The following SOX6 variants were observed in gnomAD, a reference collection of about 807,000 sequenced individuals.
SOX6 encodes SRY-box transcription factor 6, also known as transcription factor SOX-6.
A neutral mutation model predicts 97.8 loss-of-function variants in SOX6; 11 were observed. The observed-to-expected ratio is 0.11, with a 90% CI of 0.07 to 0.19. SOX6 has a LOEUF of 0.19. Among genes scored for constraint, SOX6 ranks in the 10% least tolerant of loss-of-function variants. The pLI, the probability that SOX6 is intolerant of heterozygous loss-of-function variation, is 1.00. For synonymous variants in SOX6, 360 were observed against 371.4 expected, an observed-to-expected ratio of 0.97 and a Z score of 0.35; for missense variants, 810 against 1,039.5, an observed-to-expected ratio of 0.78 and a Z score of 3.04.
chr11:16,387,077 G>A (rs148925586), intron 1 of SOX6, among the ~76,000 whole-genome samples: 186 of 152,250 alleles, frequency 1.2e-3, no homozygotes, highest in African/African-American at 4.2e-3. Context: ...ACACATGTGG[G>A]TTAATGTCCT....
chr11:16,363,566 A>G (rs187529639), intron 1 of SOX6, among the ~76,000 whole-genome samples: 166 of 152,282 alleles, frequency 1.1e-3, no homozygotes, highest in Non-Finnish European at 1.5e-3. Flanking sequence ...TCACAATGGT[A>G]GGTGGTAGGG....
intron 12 of SOX6, among the ~76,000 whole-genome samples, chr11:16,041,298 C>T (rs1388133311): frequency 2.0e-5 from 3 of 152,022 alleles, no homozygotes; most frequent in South Asian, 2.1e-4. Context: ...TCCTGTCATG[C>T]AATAATGAAT....
intron 6 of SOX6, among the ~76,000 whole-genome samples, chr11:16,164,624 C>G (rs1009439427): frequency 1.3e-5 from 2 of 151,960 alleles, no homozygotes; most frequent in African/African-American, 2.4e-5. Context: ...GGGTTGAGAC[C>G]AGCCTGGCCA....
At chr11:16,080,869 C>T (rs1848458235) in intron 9 of SOX6, among the ~76,000 whole-genome samples, 1 of 152,056 alleles carries the variant, frequency 6.6e-6, no homozygotes, top group Non-Finnish European at 1.5e-5. Context: ...CCTTTGTTAA[C>T]TAAAAGTTTA....
At chr11:16,106,281 A>G (rs117555742) in intron 7 of SOX6, among the ~76,000 whole-genome samples, 19,666 of 152,050 alleles carry the variant, frequency 0.13, 1,738 homozygotes, top group Non-Finnish European at 0.19. Flanking sequence ...TGGAAAGCTC[A>G]TAGTTCAAAT....
At chr11:16,244,520 A>G (rs1853279902) in intron 3 of SOX6, among the ~76,000 whole-genome samples, 1 of 151,762 alleles carries the variant, frequency 6.6e-6, no homozygotes, top group African/African-American at 2.4e-5. Flanking sequence ...TCAATATCAC[A>G]AAGATTTTTT....
intron 9 of SOX6, among the ~76,000 whole-genome samples, chr11:16,069,527 T>C (rs1564936826): frequency 6.6e-6 from 1 of 152,178 alleles, no homozygotes; most frequent in African/African-American, 2.4e-5. Flanking sequence ...TTGGGCACCG[T>C]AGGATAATTT....
At chr11:16,095,937 G>C (rs2133973747) in intron 9 of SOX6, 59 bp downstream of exon 9, 5 of 1,360,370 alleles carry the variant, frequency 3.7e-6, no homozygotes, top group Middle Eastern at 1.9e-4. Context: ...AAAAAGCCTA[G>C]AGTATGACTG....
chr11:16,267,808 A>G (rs115830161), intron 3 of SOX6, among the ~76,000 whole-genome samples: 2,142 of 151,676 alleles, frequency 0.014, 53 homozygotes, highest in African/African-American at 0.048. Flanking sequence ...GTGTCCATCA[A>G]TGGATGAATG....
chr11:16,052,627 C>A (rs1278067703), intron 10 of SOX6, among the ~76,000 whole-genome samples: 1 of 152,100 alleles, frequency 6.6e-6, no homozygotes, highest in Non-Finnish European at 1.5e-5. Context: ...TGCTGCTTTG[C>A]AAGCCTGATA....
chr11:16,111,981 T>C (rs1377929799), intron 6 of SOX6, 58 bp from the exon 7 acceptor site: 1 of 1,608,152 alleles, frequency 6.2e-7, no homozygotes, highest in African/African-American at 1.3e-5. Context: ...CCAAGAAGAA[T>C]TTGTTTTTCA....
intron 9 of SOX6, among the ~76,000 whole-genome samples, chr11:16,085,104 A>G (rs1369939838): frequency 6.6e-6 from 1 of 152,156 alleles, no homozygotes; most frequent in African/African-American, 2.4e-5. Context: ...TGACATAACT[A>G]CACATTATGA....
intron 3 of SOX6, among the ~76,000 whole-genome samples, chr11:16,308,422 T>C (rs1855500455): frequency 6.6e-6 from 1 of 152,138 alleles, no homozygotes; most frequent in African/African-American, 2.4e-5. Context: ...AAACTAGTGC[T>C]TAGATCAATT....
chr11:16,050,893 G>A (rs561731559), intron 10 of SOX6, among the ~76,000 whole-genome samples: 13 of 152,056 alleles, frequency 8.5e-5, no homozygotes, highest in Admixed American at 4.6e-4. Flanking sequence ...TAAAATTGTC[G>A]GCAAATGTTA....
intron 6 of SOX6, among the ~76,000 whole-genome samples, chr11:16,129,657 C>T (rs1256854351): frequency 6.6e-6 from 1 of 151,964 alleles, no homozygotes; most frequent in African/African-American, 2.4e-5. Context: ...GAAAATCAAT[C>T]AATATAATTC....
intron 13 of SOX6, among the ~76,000 whole-genome samples, chr11:16,002,598 T>C (rs1392987278): frequency 6.6e-6 from 1 of 152,068 alleles, no homozygotes; most frequent in Non-Finnish European, 1.5e-5. Flanking sequence ...CTACAAGCTG[T>C]TGAGCCCAGG....
chr11:16,688,513 T>C (rs990874066), intron 3 of SOX6, among the ~76,000 whole-genome samples: 1 of 152,192 alleles, frequency 6.6e-6, no homozygotes, highest in Non-Finnish European at 1.5e-5. Flanking sequence ...TATTATGTTA[T>C]CAAGATATTT....
At chr11:16,620,881 C>T (rs868471722) in intron 3 of SOX6, among the ~76,000 whole-genome samples, 2 of 152,144 alleles carry the variant, frequency 1.3e-5, no homozygotes, top group Non-Finnish European at 2.9e-5. Context: ...CCACTACAGC[C>T]ACCAACTATC....
chr11:16,724,168 G>A (rs183554620), intron 2 of SOX6, among the ~76,000 whole-genome samples: 1 of 152,224 alleles, frequency 6.6e-6, no homozygotes, highest in Admixed American at 6.5e-5. Flanking sequence ...CTTTCTTGGA[G>A]GTAAGCATCC....
Sources: allele counts gnomAD v4.1 joint callset (sites outside exome capture counted in the v4.1 genomes callset), GRCh38; gene constraint gnomAD v4.1.1; transcripts MANE v1.5; gene names NCBI Gene and HGNC (gene_info 2026-07-23, HGNC 2026-07-21).